The following LRP1B variants were observed in gnomAD, a reference collection of about 807,000 sequenced individuals.
The protein encoded by LRP1B is low-density lipoprotein receptor-related protein 1B.
Under a neutral mutation model 556.6 loss-of-function variants are expected in LRP1B, and 217 were observed. The observed-to-expected ratio is 0.39, with a 90% CI of 0.35 to 0.44. LRP1B has a LOEUF of 0.44. Among genes scored for constraint, LRP1B ranks in the 20% least tolerant of loss-of-function variants. The pLI is 1.00. For missense variants in LRP1B, 5,053 were observed against 5,620.8 expected, an observed-to-expected ratio of 0.90 and a Z score of 3.23; for synonymous variants, 2,047 against 1,865.8, an observed-to-expected ratio of 1.10 and a Z score of -2.50.
intron 7 of LRP1B, among the ~76,000 whole-genome samples, chr2:141,159,539 G>A (rs185600924): frequency 3.4e-4 from 52 of 152,138 alleles, no homozygotes; most frequent in African/African-American, 1.1e-3. Flanking sequence ...GCTCAGGGCC[G>A]TAGTTGATGA....
intron 35 of LRP1B, among the ~76,000 whole-genome samples, chr2:140,764,616 G>A (rs1689038498): frequency 6.6e-6 from 1 of 152,116 alleles, no homozygotes; most frequent in Non-Finnish European, 1.5e-5. Flanking sequence ...TACTCCTTCA[G>A]TGTTTTTAAA....
At chr2:141,838,323 C>G (rs1697359569) in intron 1 of LRP1B, among the ~76,000 whole-genome samples, 1 of 152,114 alleles carries the variant, frequency 6.6e-6, no homozygotes, top group African/African-American at 2.4e-5. Context: ...TAGAGCCACT[C>G]CACTGCATTA....
At chr2:141,636,023 T>C (rs889536788) in intron 2 of LRP1B, among the ~76,000 whole-genome samples, 26 of 152,122 alleles carry the variant, frequency 1.7e-4, no homozygotes, top group African/African-American at 6.0e-4. Context: ...TGTCTTAATT[T>C]TGCAGTTGTA....
intron 35 of LRP1B, among the ~76,000 whole-genome samples, chr2:140,737,823 A>G (rs934565230): frequency 2.0e-5 from 3 of 152,188 alleles, no homozygotes; most frequent in African/African-American, 7.2e-5. Context: ...AATGCCGGAG[A>G]ATGATTGTAG....
Position 140,516,876 on chromosome 2 carries a change from T to C in LRP1B, c.8149+13A>G, listed in dbSNP as rs1162639044. ...TAAGGTTAACAAAAACTAAGCTAAATACAATGTCTCACCACAGTGGAATTC... is the reference window on the plus strand; with the variant it reads ...TAAGGTTAACAAAAACTAAGCTAAACACAATGTCTCACCACAGTGGAATTC... On this transcript the variant is annotated intron_variant, in intron 50 of 90. Transcript: ENST00000389484. 3 of 1,612,870 alleles carry C rather than the reference T, an allele frequency of 1.9e-6. No individual in the cohort carries two copies. The highest frequency in any genetic ancestry group is 2.5e-6 in the Non-Finnish European group (3 of 1,179,394).
intron 2 of LRP1B, among the ~76,000 whole-genome samples, chr2:141,581,577 C>T (rs1686959783): frequency 6.6e-6 from 1 of 152,098 alleles, no homozygotes. Context: ...TTCCCTAAAA[C>T]ATGAATATTT....
intron 1 of LRP1B, among the ~76,000 whole-genome samples, chr2:141,853,907 G>A (rs577546256): frequency 6.6e-6 from 1 of 152,018 alleles, no homozygotes; most frequent in African/African-American, 2.4e-5. Context: ...TATTTGTTGT[G>A]ACTTGAGCCA....
rs369831787 is a variant in LRP1B, at chr2:140,768,007, A to G, written c.5758+1206T>C. On this transcript the variant is annotated intron_variant, in intron 35 of 90. Transcript: ENST00000389484. ...TGTAGAGGTAATTAGCCTTCCACCA[A>G]TAATGAGATTTGATTAAAGTTTGAT... Among the ~76,000 whole-genome samples, 9 of 152,068 alleles carry G rather than the reference A, an allele frequency of 5.9e-5. 1 individual carries two copies. In the East Asian group the frequency reaches 1.5e-3, roughly 26 times the overall value.
At chr2:141,628,143 C>T (rs1315570470) in intron 2 of LRP1B, among the ~76,000 whole-genome samples, 1 of 152,168 alleles carries the variant, frequency 6.6e-6, no homozygotes, top group African/African-American at 2.4e-5. Context: ...AAATCTTCAC[C>T]TAAACTTGAC....
At chr2:140,431,254 T>C (rs888884519) in intron 66 of LRP1B, among the ~76,000 whole-genome samples, 3 of 152,278 alleles carry the variant, frequency 2.0e-5, no homozygotes, top group Admixed American at 6.5e-5. Context: ...AGCCAGCAAC[T>C]TAAAAAGGAC....
In LRP1B at chr2:140,239,516, A is replaced by G; in HGVS notation, c.13341T>C (p.Ile4447=). The change falls in exon 88 of 91, where the codon ATT becomes ATC. Residue 4447 remains isoleucine (I), a synonymous_variant. Transcript: ENST00000389484. The part of the protein sequence containing the change: ...DHISTRSIAI[I]VPLVLLVTLI... Reference sequence around the variant, plus strand: ...AAGTCACCAAGAGGACGAGAGGCACAATGATGGCAATGCTTCCTGGAAAAT... The same window carrying G: ...AAGTCACCAAGAGGACGAGAGGCACGATGATGGCAATGCTTCCTGGAAAAT... 6.2e-7 allele frequency: 1 copy of G among 1,602,618 alleles called. No individual in the cohort carries two copies. Among genetic ancestry groups the G allele is most frequent in the Non-Finnish European group, 8.5e-7 (1 of 1,172,398 alleles).
intron 3 of LRP1B, among the ~76,000 whole-genome samples, chr2:141,314,795 G>GAA (rs1203210369): frequency 3.1e-4 from 16 of 52,258 alleles, no homozygotes; most frequent in African/African-American, 8.4e-4. Context: ...CGTCTCAAAA[G>GAA]AAAAAAAAAA....
At chr2:141,398,538 T>C (rs748547352) in intron 3 of LRP1B, among the ~76,000 whole-genome samples, 32 of 152,294 alleles carry the variant, frequency 2.1e-4, no homozygotes, top group Admixed American at 1.8e-3. Context: ...AAGACACTAC[T>C]ATTGTTCTCA....
chr2:141,801,569 T>C (rs1696007216), intron 2 of LRP1B, among the ~76,000 whole-genome samples: 1 of 152,178 alleles, frequency 6.6e-6, no homozygotes, highest in Non-Finnish European at 1.5e-5. Context: ...TTTGAAAAGT[T>C]TGGAGCAACC....
intron 2 of LRP1B, among the ~76,000 whole-genome samples, chr2:141,582,979 G>A (rs1218478725): frequency 6.6e-6 from 1 of 151,630 alleles, no homozygotes; most frequent in Non-Finnish European, 1.5e-5. Flanking sequence ...GGGACTACAG[G>A]CACCCGCCAC....
chr2:140,709,134 A>G (rs1686941954), intron 37 of LRP1B, among the ~76,000 whole-genome samples: 1 of 152,116 alleles, frequency 6.6e-6, no homozygotes, highest in African/African-American at 2.4e-5. Flanking sequence ...TTTGCCATGG[A>G]AAGAAAAACT....
chr2:140,775,848 G>T (rs1055250366), intron 33 of LRP1B, among the ~76,000 whole-genome samples: 1 of 151,938 alleles, frequency 6.6e-6, no homozygotes, highest in African/African-American at 2.4e-5. Context: ...TTTTAGTCAA[G>T]AACAGGATAA....
In LRP1B at chr2:140,828,258, A is replaced by G. The variant is rs140677138; in HGVS notation, c.5209+11733T>C. Among the ~76,000 whole-genome samples, 402 of 152,332 alleles carry G rather than the reference A, an allele frequency of 2.6e-3. 2 individuals carry two copies. The highest frequency in any genetic ancestry group is 8.6e-3 in the African/African-American group (359 of 41,576). ...AATAAGTAACAAAATGGCAGTAGTAAGTCCTTACTTATCAAAAATAACATT... is the reference window on the plus strand; with the variant it reads ...AATAAGTAACAAAATGGCAGTAGTAGGTCCTTACTTATCAAAAATAACATT... On this transcript the variant is annotated intron_variant, in intron 31 of 90. Transcript: ENST00000389484.
At chr2:140,339,836 C>T (rs999489561) in intron 77 of LRP1B, among the ~76,000 whole-genome samples, 7 of 146,746 alleles carry the variant, frequency 4.8e-5, no homozygotes, top group South Asian at 2.2e-4. Flanking sequence ...AGAATGTGTA[C>T]GCGATTAAAA....
Sources: gnomAD v4.1 joint callset for allele counts (sites outside exome capture counted in the v4.1 genomes callset) on GRCh38, gnomAD v4.1.1 for gene constraint, MANE v1.5 for transcripts, NCBI Gene and HGNC (gene_info 2026-07-23, HGNC 2026-07-21) for gene names.